Variants in ADAMTS12 observed in about 807,000 individuals in gnomAD.
ADAMTS12 encodes A disintegrin and metalloproteinase with thrombospondin motifs 12.
Under a neutral mutation model 167.8 loss-of-function variants are expected in ADAMTS12, and 118 were observed. That is an observed-to-expected ratio of 0.70 (90% confidence interval 0.61 to 0.82). The LOEUF is 0.82. Among genes scored for constraint, ADAMTS12 ranks in the 40% least tolerant of loss-of-function variants. ADAMTS12 has a pLI of 0.00. For missense variants in ADAMTS12, 1,916 were observed against 1,998.8 expected, an observed-to-expected ratio of 0.96 and a Z score of 0.79; for synonymous variants, 704 against 716.9, an observed-to-expected ratio of 0.98 and a Z score of 0.29.
chr5:33,559,016 C>G (rs768021743), intron 20 of ADAMTS12, among the ~76,000 whole-genome samples: 1 of 152,242 alleles, frequency 6.6e-6, no homozygotes, highest in East Asian at 1.9e-4. Flanking sequence ...GGAAAGGGTC[C>G]GAAAGACCGA....
chr5:33,590,640 G>T (rs562662246), intron 17 of ADAMTS12, among the ~76,000 whole-genome samples: 2 of 152,274 alleles, frequency 1.3e-5, no homozygotes, highest in South Asian at 4.1e-4. Context: ...ATTTTTAAAA[G>T]AAATTTATTT....
At chr5:33,720,534 AG>A (rs1743773733) in intron 3 of ADAMTS12, among the ~76,000 whole-genome samples, 1 of 152,214 alleles carries the variant, frequency 6.6e-6, no homozygotes, top group African/African-American at 2.4e-5. Context: ...GGCTCAAGAA[AG>A]AAAGATGAGA....
intron 2 of ADAMTS12, among the ~76,000 whole-genome samples, chr5:33,777,205 A>C (rs1354716644): frequency 6.6e-6 from 1 of 152,186 alleles, no homozygotes; most frequent in Non-Finnish European, 1.5e-5. Context: ...TACCAAAGCC[A>C]GACAAGGACA....
chr5:33,862,763 T>C (rs942590653), intron 2 of ADAMTS12, among the ~76,000 whole-genome samples: 1 of 151,910 alleles, frequency 6.6e-6, no homozygotes, highest in African/African-American at 2.4e-5. Context: ...CAGGCCAATA[T>C]CCCTGATGAA....
chr5:33,558,207 G>A (rs1025669094), intron 20 of ADAMTS12, among the ~76,000 whole-genome samples: 1 of 152,058 alleles, frequency 6.6e-6, no homozygotes, highest in African/African-American at 2.4e-5. Flanking sequence ...GGTCTCTAGT[G>A]ACAAAAAGGT....
At chr5:33,565,150 T>C (rs149514725) in intron 19 of ADAMTS12, among the ~76,000 whole-genome samples, 34 of 152,090 alleles carry the variant, frequency 2.2e-4, no homozygotes, top group Non-Finnish European at 4.7e-4. Flanking sequence ...CTGACAGTTA[T>C]TTATTATTAT....
chr5:33,858,657 CAA>C (rs35005089), intron 2 of ADAMTS12, among the ~76,000 whole-genome samples: 4 of 80,952 alleles, frequency 4.9e-5, no homozygotes, highest in Non-Finnish European at 2.3e-5. Flanking sequence ...GACATCATCT[CAA>C]AAAAAAAAAA....
At chr5:33,876,839 T>C (rs1368574524) in intron 2 of ADAMTS12, among the ~76,000 whole-genome samples, 3 of 152,212 alleles carry the variant, frequency 2.0e-5, no homozygotes, top group African/African-American at 4.8e-5. Context: ...TTGCAAGATG[T>C]TGCCATCAGA....
intron 22 of ADAMTS12, among the ~76,000 whole-genome samples, chr5:33,542,859 A>C (rs1351839970): frequency 1.3e-5 from 2 of 152,230 alleles, no homozygotes; most frequent in African/African-American, 4.8e-5. Flanking sequence ...GACACATTTA[A>C]AGCAGCATGT....
intron 2 of ADAMTS12, among the ~76,000 whole-genome samples, chr5:33,789,215 T>C (rs1746439561): frequency 6.6e-6 from 1 of 152,254 alleles, no homozygotes; most frequent in Non-Finnish European, 1.5e-5. Flanking sequence ...GCCTGACGGC[T>C]GCTGTGTCCC....
chr5:33,795,714 C>A (rs1420681715), intron 2 of ADAMTS12, among the ~76,000 whole-genome samples: 2 of 152,114 alleles, frequency 1.3e-5, no homozygotes, highest in African/African-American at 4.8e-5. Context: ...GTAAGAGCCA[C>A]CTCAGCCCAA....
intron 19 of ADAMTS12, among the ~76,000 whole-genome samples, chr5:33,574,706 C>T (rs1207875062): frequency 6.6e-6 from 1 of 152,004 alleles, no homozygotes; most frequent in Non-Finnish European, 1.5e-5. Flanking sequence ...ATGTAACAAA[C>T]ATGCACATTG....
intron 14 of ADAMTS12, among the ~76,000 whole-genome samples, chr5:33,618,315 G>T (rs953910735): frequency 1.5e-4 from 23 of 152,212 alleles, no homozygotes; most frequent in African/African-American, 5.3e-4. Context: ...GGTAGAAGAG[G>T]TGGAGGAAGT....
At chr5:33,869,440 C>T (rs1384575205) in intron 2 of ADAMTS12, among the ~76,000 whole-genome samples, 1 of 152,012 alleles carries the variant, frequency 6.6e-6, no homozygotes, top group Non-Finnish European at 1.5e-5. Flanking sequence ...TAGGGCAATG[C>T]AGAGGGGAAA....
intron 3 of ADAMTS12, among the ~76,000 whole-genome samples, chr5:33,694,378 A>G (rs1016232080): frequency 6.6e-6 from 1 of 152,230 alleles, no homozygotes; most frequent in Non-Finnish European, 1.5e-5. Context: ...TTACTGAGAA[A>G]TATAAACCTA....
At chr5:33,665,378 G>A (rs1207221255) in intron 5 of ADAMTS12, among the ~76,000 whole-genome samples, 1 of 152,134 alleles carries the variant, frequency 6.6e-6, no homozygotes, top group Non-Finnish European at 1.5e-5. Flanking sequence ...TGCTAACAGA[G>A]TAGATTTTAA....
At chr5:33,824,956 A>G (rs1243330112) in intron 2 of ADAMTS12, among the ~76,000 whole-genome samples, 1 of 152,152 alleles carries the variant, frequency 6.6e-6, no homozygotes, top group Non-Finnish European at 1.5e-5. Flanking sequence ...TTCCTGAGCT[A>G]CCACTGGAAG....
At chr5:33,627,152 G>A (rs955671403) in intron 13 of ADAMTS12, among the ~76,000 whole-genome samples, 8 of 147,814 alleles carry the variant, frequency 5.4e-5, no homozygotes, top group Middle Eastern at 3.2e-3. Context: ...GGTGGTGGTC[G>A]TGGTGACTAT....
intron 2 of ADAMTS12, among the ~76,000 whole-genome samples, chr5:33,831,515 T>C (rs1748298329): frequency 6.6e-6 from 1 of 152,222 alleles, no homozygotes; most frequent in Admixed American, 6.5e-5. Flanking sequence ...GCAAATATTT[T>C]GCTTGACTTA....
Sources: gnomAD v4.1 joint callset for allele counts (sites outside exome capture counted in the v4.1 genomes callset) on GRCh38, gnomAD v4.1.1 for gene constraint, MANE v1.5 for transcripts, NCBI Gene and HGNC (gene_info 2026-07-23, HGNC 2026-07-21) for gene names.